The following FAM120C variants were observed in gnomAD, a reference collection of about 807,000 sequenced individuals.
The protein encoded by FAM120C is family with sequence similarity 120 member C, also known as constitutive coactivator of PPAR-gamma-like protein 2.
A neutral mutation model predicts 71.2 loss-of-function variants in FAM120C; 14 were observed. That is an observed-to-expected ratio of 0.20 (90% CI 0.13 to 0.31). The LOEUF is 0.31. Among genes scored for constraint, FAM120C ranks in the 10% least tolerant of loss-of-function variants. FAM120C has a pLI of 1.00. For missense variants in FAM120C, 500 were observed against 879.0 expected (o/e 0.57, Z 5.45); for synonymous variants, 354 against 353.2 (o/e 1.00, Z -0.03).
chrX:54,114,335 C>G (rs909541835), intron 10 of FAM120C, among the ~76,000 whole-genome samples: 1 of 111,581 alleles, frequency 9.0e-6, no homozygotes, highest in African/African-American at 3.3e-5. Context: ...GTGATGGCTA[C>G]GTGAAAAGCC....
chrX:54,131,074 G>A (rs889673311), intron 9 of FAM120C, among the ~76,000 whole-genome samples: 14 of 111,843 alleles, frequency 1.3e-4, no homozygotes, highest in Admixed American at 1.0e-3. Flanking sequence ...TGAGGACTAA[G>A]GAAAAATACA....
chrX:54,081,542 C>T (rs1347792057), intron 13 of FAM120C, 82 bp from the exon 14 acceptor site: 16 of 1,039,089 alleles, frequency 1.5e-5, no homozygotes, highest in Admixed American at 8.9e-5. Flanking sequence ...GAGGCTGAGT[C>T]GGGCGGATTA....
intron 10 of FAM120C, among the ~76,000 whole-genome samples, chrX:54,094,744 A>G (rs2066841696): frequency 9.1e-6 from 1 of 109,805 alleles, no homozygotes; most frequent in Admixed American, 9.7e-5. Context: ...TAAAAATACA[A>G]AAATTAGCTG....
chrX:54,145,145 C>A (rs782600760), intron 4 of FAM120C, among the ~76,000 whole-genome samples: 11 of 112,054 alleles, frequency 9.8e-5, no homozygotes, highest in African/African-American at 3.6e-4. Context: ...CCCTTCCTTA[C>A]GCCTTATACA....
At chrX:54,073,391 A>G in intron 15 of FAM120C, 104 bp from the exon 16 acceptor site, 2 of 831,995 alleles carry the variant, frequency 2.4e-6, no homozygotes, top group Non-Finnish European at 3.3e-6. Context: ...CAGTTCTTCA[A>G]AAACACCAGA....
chrX:54,129,496 T>G (rs1455206058), intron 9 of FAM120C, among the ~76,000 whole-genome samples: 1 of 101,550 alleles, frequency 9.8e-6, no homozygotes, highest in Admixed American at 1.1e-4. Context: ...ACTTCCTAGA[T>G]CGGATGGAGG....
At chrX:54,175,644 G>C (rs2067312930) in intron 1 of FAM120C, among the ~76,000 whole-genome samples, 1 of 111,177 alleles carries the variant, frequency 9.0e-6, no homozygotes, top group South Asian at 3.8e-4. Flanking sequence ...AAGTAGCTGG[G>C]ACTACAGGTG....
chrX:54,080,386 C>T (rs1181941760), intron 14 of FAM120C, 97 bp from the exon 15 acceptor site: 8 of 662,862 alleles, frequency 1.2e-5, no homozygotes, highest in Non-Finnish European at 1.9e-5. Context: ...GAAGTTTGAC[C>T]CTCTTCAGTC....
intron 7 of FAM120C, 117 bp downstream of exon 7, chrX:54,134,714 A>G (rs1272387814): frequency 1.2e-6 from 1 of 809,022 alleles, no homozygotes; most frequent in African/African-American, 2.1e-5. Flanking sequence ...CCTAAGAGCA[A>G]AACACTACAG....
chrX:54,100,326 C>T (rs1379240837), intron 10 of FAM120C, among the ~76,000 whole-genome samples: 1 of 110,979 alleles, frequency 9.0e-6, no homozygotes, highest in Non-Finnish European at 1.9e-5. Flanking sequence ...CCCATCTCTA[C>T]TAAAAATACA....
chrX:54,170,958 T>C (rs1369424846), intron 1 of FAM120C, among the ~76,000 whole-genome samples: 1 of 111,754 alleles, frequency 8.9e-6, no homozygotes, highest in African/African-American at 3.3e-5. Flanking sequence ...CAAGGGAACC[T>C]CTGGGTTACC....
chrX:54,179,563 TC>T lies in FAM120C; in HGVS notation c.699+2936del, dbSNP rs1225112504. Among the ~76,000 whole-genome samples the T allele has an allele frequency of 2.7e-5, 3 of 112,030 alleles. No homozygotes were observed. In the East Asian group the frequency reaches 8.3e-4, roughly 31 times the overall value. ...TACAATCCAGGGAGTTCTTTATCAC[TC>T]CAGTAACAACAAAAAAGTCACTGAC... On this transcript the variant is annotated intron_variant, in intron 1 of 15. Coordinates refer to ENST00000375180, the MANE Select transcript of FAM120C (RefSeq NM_017848.6).
chrX:54,173,324 C>T (rs1557136205), intron 1 of FAM120C, among the ~76,000 whole-genome samples: 1 of 112,342 alleles, frequency 8.9e-6, no homozygotes, highest in African/African-American at 3.2e-5. Context: ...TCTCGGCTCA[C>T]CACAACCTCT....
chrX:54,098,887 G>A (rs1482964898), intron 10 of FAM120C, among the ~76,000 whole-genome samples: 1 of 111,430 alleles, frequency 9.0e-6, no homozygotes, highest in African/African-American at 3.3e-5. Flanking sequence ...CGAAAGTGCT[G>A]GTATTACAGG....
At chrX:54,159,198 G>A (rs1320022594) in intron 2 of FAM120C, among the ~76,000 whole-genome samples, 172 bp downstream of exon 2, 1 of 111,802 alleles carries the variant, frequency 8.9e-6, no homozygotes, top group Non-Finnish European at 1.9e-5. Flanking sequence ...GAGTTTTAGT[G>A]TGCTCTACCA....
intron 4 of FAM120C, among the ~76,000 whole-genome samples, chrX:54,145,338 CT>C (rs1228366677): frequency 9.0e-6 from 1 of 111,458 alleles, no homozygotes. Context: ...AACTAAAGAG[CT>C]TCTGCACAGC....
rs782276142 is a variant in FAM120C at position 54,153,430 on chromosome X, C to T, written c.1030-2057G>A. Among the ~76,000 whole-genome samples the T allele has an allele frequency of 5.8e-5, 6 of 104,341 alleles. No homozygotes were observed. In the South Asian group the frequency reaches 1.3e-3, roughly 23 times the overall value. 90.6% of individuals were successfully genotyped at this position (104,341 alleles called of 115,157 possible). On this transcript the variant is annotated intron_variant, in intron 3 of 15. Coordinates refer to ENST00000375180, the MANE Select transcript of FAM120C (RefSeq NM_017848.6). Reference sequence around the variant, plus strand: ...ATATATTTTTTTTTTTTTTTTGAGACGGAGTCTTGCTCTGCCACCCAGGAG... The same window carrying T: ...ATATATTTTTTTTTTTTTTTTGAGATGGAGTCTTGCTCTGCCACCCAGGAG...
intron 4 of FAM120C, among the ~76,000 whole-genome samples, chrX:54,150,017 T>C (rs2067176826): frequency 8.9e-6 from 1 of 112,553 alleles, no homozygotes; most frequent in East Asian, 2.8e-4. Flanking sequence ...AACAATGAAA[T>C]TTTCATTCTT....
chrX:54,182,410 G>A, intron 1 of FAM120C, 90 bp downstream of exon 1: 1 of 1,031,548 alleles, frequency 9.7e-7, no homozygotes, highest in Non-Finnish European at 1.3e-6. Context: ...ATGGGAGGTA[G>A]GGTAGTGGGT....
Sources: allele counts gnomAD v4.1 joint callset (sites outside exome capture counted in the v4.1 genomes callset), GRCh38; gene constraint gnomAD v4.1.1; transcripts MANE v1.5; gene names NCBI Gene and HGNC (gene_info 2026-07-23, HGNC 2026-07-21).